CYB5D2: variants seen among roughly 807,000 people sequenced by gnomAD.
CYB5D2 encodes the protein cytochrome b5 domain containing 2, also known as neuferricin.
CYB5D2 carries 23 observed loss-of-function variants against 22.8 expected under a neutral mutation model. The ratio of observed to expected loss-of-function variants is 1.01; its 90% CI spans 0.73 to 1.43. The LOEUF (loss-of-function observed/expected upper bound fraction) is 1.43. Ranked by LOEUF, CYB5D2 falls within the 40% of genes most tolerant of loss-of-function variation. The pLI, the probability that CYB5D2 is intolerant of heterozygous loss-of-function variation, is 0.00. For missense variants in CYB5D2, 373 were observed against 357.2 expected (o/e 1.04, Z -0.36); for synonymous variants, 170 against 152.2 (o/e 1.12, Z -0.86).
intron 2 of CYB5D2, among the ~76,000 whole-genome samples, chr17:4,153,852 G>C (rs2059083713): frequency 6.6e-6 from 1 of 152,230 alleles, no homozygotes; most frequent in African/African-American, 2.4e-5. Flanking sequence ...AAGTCAGGGA[G>C]GGCGTTGGAC....
chr17:4,152,652 C>G (rs2059070681), intron 2 of CYB5D2, among the ~76,000 whole-genome samples: 1 of 152,234 alleles, frequency 6.6e-6, no homozygotes, highest in South Asian at 2.1e-4. Flanking sequence ...GACACCCCAA[C>G]CCCCGTAGTG....
intron 1 of CYB5D2, among the ~76,000 whole-genome samples, chr17:4,147,375 G>C (rs2059003867): frequency 1.3e-5 from 2 of 152,154 alleles, no homozygotes; most frequent in African/African-American, 4.8e-5. Flanking sequence ...AAATGAGTTT[G>C]GTGTGTTGTC....
intron 3 of CYB5D2, among the ~76,000 whole-genome samples, chr17:4,156,458 C>A (rs1001399961): frequency 5.9e-5 from 9 of 152,290 alleles, no homozygotes; most frequent in Admixed American, 2.0e-4. Context: ...AAGACCCTGA[C>A]CTGCGCTGGG....
intron 3 of CYB5D2, 121 bp downstream of exon 3, chr17:4,154,981 T>C: frequency 9.5e-7 from 1 of 1,051,310 alleles, no homozygotes; most frequent in East Asian, 2.7e-5. Flanking sequence ...TTTTTCAAAA[T>C]ACTGATAATA....
At chr17:4,156,150 G>C (rs1190561605) in intron 3 of CYB5D2, among the ~76,000 whole-genome samples, 1 of 152,252 alleles carries the variant, frequency 6.6e-6, no homozygotes, top group Non-Finnish European at 1.5e-5. Flanking sequence ...TGTCTGAGGC[G>C]TCAGTTCCAA....
Position 4,157,157 on chromosome 17 carries a change from C to T in CYB5D2, c.*75C>T. ...GAGTAGGCCCTTGACACTTGTGTGC[C>T]CTGGGATGCCTCCTGGCGCGAATCA... is the stretch of plus-strand genomic sequence containing the variant. On this transcript the variant is annotated 3_prime_UTR_variant, in exon 4 of 4. Coordinates refer to ENST00000301391, the MANE Select transcript of CYB5D2 (RefSeq NM_144611.4). This position sits in a 1 kb window ranked among gnomAD's most constrained non-coding sequence, Gnocchi z 4.4. 1 of 1,500,602 alleles carries T rather than the reference C, an allele frequency of 6.7e-7. No homozygotes were observed. Among genetic ancestry groups the T allele is most frequent in the Non-Finnish European group, 9.1e-7 (1 of 1,096,330 alleles). 93.0% of individuals were successfully genotyped at this position (1,500,602 alleles called of 1,614,324 possible).
At chr17:4,153,884 A>C (rs1304565886) in intron 2 of CYB5D2, among the ~76,000 whole-genome samples, 1 of 152,240 alleles carries the variant, frequency 6.6e-6, no homozygotes, top group South Asian at 2.1e-4. Context: ...GCTGAATCTC[A>C]GATGCGCTGA....
intron 2 of CYB5D2, among the ~76,000 whole-genome samples, chr17:4,150,328 T>A (rs568915047): frequency 1.3e-5 from 2 of 152,172 alleles, no homozygotes; most frequent in Non-Finnish European, 2.9e-5. Context: ...GAAGGGCAGC[T>A]TCCCTGTCTC....
chr17:4,152,394 G>A (rs1250897088), intron 2 of CYB5D2, among the ~76,000 whole-genome samples: 2 of 152,164 alleles, frequency 1.3e-5, no homozygotes, highest in African/African-American at 4.8e-5. Flanking sequence ...TATTGTAAGG[G>A]TACATACTGA....
chr17:4,156,711 A>C (rs1309504763), intron 3 of CYB5D2, among the ~76,000 whole-genome samples, 155 bp from the exon 4 acceptor site: 1 of 152,194 alleles, frequency 6.6e-6, no homozygotes, highest in Non-Finnish European at 1.5e-5. Context: ...GAGAGCATGA[A>C]GGCTCAGGGG....
chr17:4,151,687 AAAAAAAAAG>A (rs1298018305), intron 2 of CYB5D2, among the ~76,000 whole-genome samples: 9 of 151,092 alleles, frequency 6.0e-5, no homozygotes, highest in Middle Eastern at 3.4e-3. Flanking sequence ...ACTCTGTCTC[AAAAAAAAAG>A]AAAAAAAAGA....
At chr17:4,152,574 A>G (rs2059069750) in intron 2 of CYB5D2, among the ~76,000 whole-genome samples, 1 of 152,140 alleles carries the variant, frequency 6.6e-6, no homozygotes, top group Non-Finnish European at 1.5e-5. Flanking sequence ...TGCCTCTGCT[A>G]CTACTGTCCT....
chr17:4,154,208 A>G (rs2059088361), intron 2 of CYB5D2, among the ~76,000 whole-genome samples: 1 of 152,216 alleles, frequency 6.6e-6, no homozygotes. Context: ...CTACTCAACA[A>G]GCTGAGGTGG....
chr17:4,156,757 TG>T, intron 3 of CYB5D2, 108 bp from the exon 4 acceptor site: 2 of 1,192,682 alleles, frequency 1.7e-6, no homozygotes, highest in Non-Finnish European at 2.4e-6. Flanking sequence ...GGAAACACTC[TG>T]GTAGGCTTCT....
intron 1 of CYB5D2, among the ~76,000 whole-genome samples, chr17:4,146,116 G>A (rs2058987963): frequency 6.6e-6 from 1 of 152,006 alleles, no homozygotes; most frequent in Admixed American, 6.6e-5. Flanking sequence ...TTTATTTTTC[G>A]AGATAAACTG....
In CYB5D2 at chr17:4,144,020, G is replaced by A. The variant is rs1332264433; in HGVS notation, c.250+15G>A. The A allele has an allele frequency of 6.4e-7, 1 of 1,572,574 alleles. No individual in the cohort carries two copies. On this transcript the variant is annotated intron_variant, in intron 1 of 3. Coordinates refer to ENST00000301391, the MANE Select transcript of CYB5D2 (RefSeq NM_144611.4). ...CGGCTTCGCAGGTATCAGCGAGGCTGCTCACGCCTTTCTCTCCGCTGGCGC... is the reference window on the plus strand; with the variant it reads ...CGGCTTCGCAGGTATCAGCGAGGCTACTCACGCCTTTCTCTCCGCTGGCGC...
intron 2 of CYB5D2, among the ~76,000 whole-genome samples, chr17:4,151,329 A>G (rs1166589274): frequency 1.3e-5 from 2 of 152,174 alleles, no homozygotes; most frequent in African/African-American, 4.8e-5. Flanking sequence ...TCCCTTTCCC[A>G]ATGAAGTTGC....
At chr17:4,144,039 C>G in intron 1 of CYB5D2, 34 bp downstream of exon 1, 1 of 1,548,270 alleles carries the variant, frequency 6.5e-7, no homozygotes, top group South Asian at 1.2e-5. Context: ...TTTCTCTCCG[C>G]TGGCGCGAGC....
At chr17:4,149,274 G>A (rs1332440714) in intron 1 of CYB5D2, among the ~76,000 whole-genome samples, 1 of 152,210 alleles carries the variant, frequency 6.6e-6, no homozygotes, top group Non-Finnish European at 1.5e-5. Context: ...GTGTGAGGGT[G>A]TGGACAGTAA....
Sources: allele counts gnomAD v4.1 joint callset (sites outside exome capture counted in the v4.1 genomes callset), GRCh38; gene constraint gnomAD v4.1.1; non-coding constraint Gnocchi (gnomAD v3.1); transcripts MANE v1.5; gene names NCBI Gene and HGNC (gene_info 2026-07-23, HGNC 2026-07-21).